COL28A1: variants seen among roughly 807,000 people sequenced by gnomAD.
COL28A1 encodes collagen type XXVIII alpha 1 chain.
In COL28A1, 161 loss-of-function variants were observed where a neutral mutation model predicts 150.2. That is an observed-to-expected ratio of 1.07 (90% confidence interval 0.94 to 1.22). The LOEUF (loss-of-function observed/expected upper bound fraction) is 1.22. COL28A1 is among the 50% of genes most tolerant of loss of function. COL28A1 has a pLI of 0.00. For missense variants in COL28A1, 1,617 were observed against 1,388.3 expected, an observed-to-expected ratio of 1.16 and a Z score of -2.62; for synonymous variants, 552 against 469.7, an observed-to-expected ratio of 1.18 and a Z score of -2.26.
chr7:7,444,230 A>C (rs1376604627), intron 19 of COL28A1, among the ~76,000 whole-genome samples, 188 bp downstream of exon 19: 1 of 152,122 alleles, frequency 6.6e-6, no homozygotes, highest in Non-Finnish European at 1.5e-5. Flanking sequence ...GTGAGACACT[A>C]TCTCAGCCTT....
chr7:7,348,592 T>C, the COL28A1 span, among the ~76,000 whole-genome samples: 3 of 152,140 alleles, frequency 2.0e-5, no homozygotes, highest in African/African-American at 7.2e-5. Context: ...TTAAGAAGTT[T>C]TGACATGTAT....
At chr7:7,479,802 T>C (rs1350446488) in intron 13 of COL28A1, among the ~76,000 whole-genome samples, 2 of 152,184 alleles carry the variant, frequency 1.3e-5, no homozygotes. Context: ...AATGTACTAA[T>C]GGAAAAATAA....
At chr7:7,534,824 C>G (rs558450621) in intron 1 of COL28A1, among the ~76,000 whole-genome samples, 1 of 152,018 alleles carries the variant, frequency 6.6e-6, no homozygotes, top group Non-Finnish European at 1.5e-5. Flanking sequence ...ATATTTTGTT[C>G]TTATTTGCTC....
intron 11 of COL28A1, among the ~76,000 whole-genome samples, chr7:7,504,702 A>G (rs1780715672): frequency 6.6e-6 from 1 of 152,132 alleles, no homozygotes; most frequent in Admixed American, 6.5e-5. Context: ...AAGCCATTTG[A>G]TCTCCAGGCT....
intron 31 of COL28A1, among the ~76,000 whole-genome samples, chr7:7,374,106 C>G (rs1054578431): frequency 6.8e-6 from 1 of 146,980 alleles, no homozygotes; most frequent in African/African-American, 2.5e-5. Context: ...TACTTATGTG[C>G]TCGTTTCTTG....
At chr7:7,429,475 G>A (rs12666360) in intron 25 of COL28A1, among the ~76,000 whole-genome samples, 2 of 137,718 alleles carry the variant, frequency 1.5e-5, no homozygotes, top group African/African-American at 6.5e-5. Context: ...TGTGTGTGTG[G>A]GGGGGGGGAT....
intron 6 of COL28A1, among the ~76,000 whole-genome samples, chr7:7,519,675 TGTCA>T (rs1332103006): frequency 6.6e-6 from 1 of 152,176 alleles, no homozygotes; most frequent in Admixed American, 6.5e-5. Flanking sequence ...CTATGATTAT[TGTCA>T]GTCAGTTAAT....
chr7:7,393,669 A>G (rs1302990281), intron 27 of COL28A1, among the ~76,000 whole-genome samples: 2 of 152,250 alleles, frequency 1.3e-5, no homozygotes, highest in East Asian at 1.9e-4. Flanking sequence ...ACGAATCTAG[A>G]GAGGCAGTCA....
At chr7:7,365,310 T>C (rs1013666054) in intron 33 of COL28A1, among the ~76,000 whole-genome samples, 2 of 106,436 alleles carry the variant, frequency 1.9e-5, no homozygotes, top group Admixed American at 1.0e-4. Flanking sequence ...ACATTTCTAC[T>C]CCAGCCACAC....
At chr7:7,543,450 T>C in the COL28A1 span, among the ~76,000 whole-genome samples, 1 of 152,224 alleles carries the variant, frequency 6.6e-6, no homozygotes, top group Non-Finnish European at 1.5e-5. Flanking sequence ...TGCATTATTG[T>C]TTTCTCCATC....
intron 2 of COL28A1, among the ~76,000 whole-genome samples, 182 bp downstream of exon 2, chr7:7,532,570 T>C (rs1239546607): frequency 6.6e-6 from 1 of 152,146 alleles, no homozygotes; most frequent in Admixed American, 6.6e-5. Context: ...AGTGCTCTTA[T>C]TAAAGACTCT....
At chr7:7,436,360 T>C (rs1376438952) in intron 23 of COL28A1, 35 bp downstream of exon 23, 2 of 977,396 alleles carry the variant, frequency 2.0e-6, no homozygotes, top group East Asian at 2.4e-5. Context: ...TTATTTCAGA[T>C]ACAGAAAAAC....
chr7:7,391,297 T>A (rs1562530695), intron 27 of COL28A1, among the ~76,000 whole-genome samples: 1 of 152,210 alleles, frequency 6.6e-6, no homozygotes, highest in Admixed American at 6.5e-5. Flanking sequence ...TTGAGTGAGT[T>A]TCTTAATCCT....
chr7:7,442,263 C>T (rs1211681358), intron 20 of COL28A1, among the ~76,000 whole-genome samples: 2 of 152,214 alleles, frequency 1.3e-5, no homozygotes, highest in African/African-American at 2.4e-5. Context: ...GTATCCCTAA[C>T]ATGCTACCAT....
chr7:7,515,646 C>T (rs903930168), intron 8 of COL28A1, among the ~76,000 whole-genome samples, 168 bp downstream of exon 8: 5 of 152,198 alleles, frequency 3.3e-5, no homozygotes, highest in African/African-American at 1.2e-4. Context: ...TCCCTTACAA[C>T]ACACATCCAT....
chr7:7,437,525 A>C (rs752382668), intron 21 of COL28A1, 63 bp from the exon 22 acceptor site: 209 of 1,563,966 alleles, frequency 1.3e-4, no homozygotes, highest in Non-Finnish European at 1.7e-4. Flanking sequence ...AGACAATATT[A>C]AGAAAAGTAC....
intron 15 of COL28A1, among the ~76,000 whole-genome samples, chr7:7,473,193 A>G (rs1788573873): frequency 6.6e-6 from 1 of 152,202 alleles, no homozygotes; most frequent in Non-Finnish European, 1.5e-5. Context: ...TAATTAAACT[A>G]AAAAGCTTTT....
At chr7:7,365,379 G>A (rs1339969386) in intron 33 of COL28A1, among the ~76,000 whole-genome samples, 1 of 152,126 alleles carries the variant, frequency 6.6e-6, no homozygotes, top group Non-Finnish European at 1.5e-5. Flanking sequence ...CATAGTAAAA[G>A]GCACAAATGA....
At chr7:7,432,375 C>G (rs1052452877) in intron 25 of COL28A1, 98 bp downstream of exon 25, 2 of 863,992 alleles carry the variant, frequency 2.3e-6, no homozygotes, top group Admixed American at 4.5e-5. Context: ...TCAGACACCT[C>G]TACTCTTCTA....
Sources: allele counts gnomAD v4.1 joint callset (sites outside exome capture counted in the v4.1 genomes callset), GRCh38; gene constraint gnomAD v4.1.1; transcripts MANE v1.5; gene names NCBI Gene and HGNC (gene_info 2026-07-23, HGNC 2026-07-21).